Variants in BOD1L1 observed in about 807,000 individuals in gnomAD.
BOD1L1 encodes biorientation of chromosomes in cell division 1 like 1.
Under a neutral mutation model 240.7 loss-of-function variants are expected in BOD1L1, and 86 were observed. That is an observed-to-expected ratio of 0.36 (90% CI 0.30 to 0.43). The LOEUF is 0.43. Among genes scored for constraint, BOD1L1 ranks in the 20% least tolerant of loss-of-function variants. The probability of loss-of-function intolerance (pLI) is 1.00; values close to 1 mark genes in which losing one functional copy is unlikely to be tolerated. For missense variants in BOD1L1, 3,554 were observed against 3,643.5 expected, an observed-to-expected ratio of 0.98 and a Z score of 0.63; for synonymous variants, 1,268 against 1,272.3, an observed-to-expected ratio of 1.00 and a Z score of 0.07.
At position 13,602,708 on chromosome 4, in the gene BOD1L1, C is replaced by T; in HGVS notation, c.4192G>A (p.Glu1398Lys). 6.2e-7 allele frequency: 1 copy of T among 1,614,034 alleles called. No homozygotes were observed. Residue 1398 changes from glutamate to lysine, a missense_variant, in exon 10 of 26, where the codon GAG becomes AAG. By Grantham distance (56) the Glu-to-Lys change is moderately conservative. Transcript: ENST00000040738. ...SKLTGVIVENENITKEGGLVD... is the reference protein window; with the variant it reads ...SKLTGVIVENKNITKEGGLVD... ...AAGCCACCTTCTTTGGTAATATTCT[C>T]ATTTTCCACAATCACGCCCGTTAAC...
intron 15 of BOD1L1, among the ~76,000 whole-genome samples, chr4:13,588,321 A>G (rs1324286290): frequency 6.6e-6 from 1 of 152,208 alleles, no homozygotes; most frequent in Non-Finnish European, 1.5e-5. Context: ...CTAGCTACAT[A>G]CTATATTTCA....
chr4:13,572,864 C>T (rs1712330694), intron 25 of BOD1L1: 1 of 1,288,976 alleles, frequency 7.8e-7, no homozygotes, highest in Non-Finnish European at 1.0e-6. Flanking sequence ...TATAGAAACA[C>T]TGGGCAATGG....
chr4:13,616,770 T>C (rs1034041726), intron 2 of BOD1L1, among the ~76,000 whole-genome samples: 1 of 152,116 alleles, frequency 6.6e-6, no homozygotes, highest in African/African-American at 2.4e-5. Flanking sequence ...TAATTCTACT[T>C]ATGTGGGCCA....
At chr4:13,585,145 A>G (rs1446752429) in intron 17 of BOD1L1, among the ~76,000 whole-genome samples, 1 of 152,222 alleles carries the variant, frequency 6.6e-6, no homozygotes, top group Non-Finnish European at 1.5e-5. Context: ...GGTGAGGGAT[A>G]GTTTAAGAGC....
intron 17 of BOD1L1, among the ~76,000 whole-genome samples, chr4:13,585,152 G>C (rs1040665910): frequency 1.3e-5 from 2 of 152,162 alleles, no homozygotes; most frequent in African/African-American, 4.8e-5. Flanking sequence ...GATAGTTTAA[G>C]AGCCTGTTTC....
At chr4:13,579,850 G>T (rs1407134672) in intron 22 of BOD1L1, 78 bp downstream of exon 22, 67 of 1,214,952 alleles carry the variant, frequency 5.5e-5, no homozygotes, top group Non-Finnish European at 6.0e-5. Flanking sequence ...CAGAATGGAA[G>T]TTCCAAACCT....
chr4:13,623,858 GGTCA>G (rs1188059269), intron 1 of BOD1L1: 1 of 152,114 alleles, frequency 6.6e-6, no homozygotes, highest in Admixed American at 6.5e-5. Context: ...ACAGAAAGCA[GGTCA>G]GTCTTTGAGG....
chr4:13,606,148 T>A (rs80069631), intron 9 of BOD1L1, among the ~76,000 whole-genome samples: 1,639 of 152,222 alleles, frequency 0.011, 25 homozygotes, highest in African/African-American at 0.035. Flanking sequence ...AACAAGACCT[T>A]ATTAAATAGC....
chr4:13,615,192 A>C, intron 3 of BOD1L1, 120 bp downstream of exon 3: 1 of 1,026,284 alleles, frequency 9.7e-7, no homozygotes, highest in Non-Finnish European at 1.4e-6. Context: ...GTGATATTTA[A>C]AGTACAATTT....
Position 13,608,632 on chromosome 4 carries a change from T to G in BOD1L1, c.1640A>C (p.Lys547Thr). Residue 547 changes from lysine (K) to threonine (T), a missense_variant, in exon 8 of 26, where the codon AAG (lysine) becomes ACG (threonine). Lys to Thr is a moderately conservative substitution (Grantham distance 78). This residue lies in a region of BOD1L1 where 3,393 missense variants were observed against 3,427.1 expected (regional missense o/e 0.99). Transcript: ENST00000040738. ...SSVDLEESST[K>T]SLEPKAARIK... is the part of the protein sequence containing the mutation. Reference sequence around the variant, plus strand: ...TCTGGCGGCTTTAGGTTCCAAACTCTTTGTTGATGATTCTTCTAAGTCCAC... The same window carrying G: ...TCTGGCGGCTTTAGGTTCCAAACTCGTTGTTGATGATTCTTCTAAGTCCAC... The G allele has an allele frequency of 6.4e-7, 1 of 1,555,982 alleles. No individual in the cohort carries two copies. Among genetic ancestry groups the G allele is most frequent in the Non-Finnish European group, 8.7e-7 (1 of 1,153,438 alleles).
At chr4:13,608,010 T>A (rs549962421) in intron 8 of BOD1L1, among the ~76,000 whole-genome samples, 12 of 152,306 alleles carry the variant, frequency 7.9e-5, no homozygotes, top group Admixed American at 2.6e-4. Flanking sequence ...CATGACTTCA[T>A]AGCTACCCTC....
intron 22 of BOD1L1, 134 bp downstream of exon 22, chr4:13,579,794 A>T: frequency 1.5e-6 from 1 of 648,340 alleles, no homozygotes; most frequent in Non-Finnish European, 2.7e-6. Flanking sequence ...TCCCAGATAC[A>T]AGGACAATTA....
chr4:13,619,868 T>A (rs1329862209), intron 2 of BOD1L1, 75 bp downstream of exon 2: 4 of 1,511,532 alleles, frequency 2.6e-6, no homozygotes, highest in Non-Finnish European at 3.6e-6. Context: ...CAAATATGTA[T>A]GTAATGCCTC....
At chr4:13,586,217 C>T (rs1039605929) in intron 17 of BOD1L1, among the ~76,000 whole-genome samples, 179 bp downstream of exon 17, 1 of 152,056 alleles carries the variant, frequency 6.6e-6, no homozygotes, top group Non-Finnish European at 1.5e-5. Context: ...TAAAGTGCAA[C>T]ATTTGATTTT....
In BOD1L1 at chr4:13,599,330, G is replaced by T; in HGVS notation, c.7570C>A (p.Arg2524Ser). ...QTAKDPSVSIRYLAAVNTGAI... is the reference protein window; with the variant it reads ...QTAKDPSVSISYLAAVNTGAI... ...CCGGTGTTTACTGCTGCCAAATAGC[G>T]AATGCTGACAGAGGGATCCTTAGCC... The change falls in exon 10 of 26, where the codon CGC becomes AGC. Residue 2524 changes from arginine (R) to serine (S), a missense_variant. Physicochemically the swap from Arg to Ser is moderately radical, Grantham distance 110. Around this residue, in one of 2 missense-constraint regions of BOD1L1, gnomAD observed 3,393 missense variants for 3,427.1 expected, o/e 0.99. Transcript: ENST00000040738. The T allele has an allele frequency of 6.2e-7, 1 of 1,613,404 alleles. No homozygotes were observed. Among genetic ancestry groups the T allele is most frequent in the Non-Finnish European group, 8.5e-7 (1 of 1,179,842 alleles).
chr4:13,619,707 C>T (rs1007620794), intron 2 of BOD1L1, among the ~76,000 whole-genome samples: 3 of 152,108 alleles, frequency 2.0e-5, no homozygotes, highest in Non-Finnish European at 4.4e-5. Context: ...TTATTTCCTT[C>T]CTTCAAATAT....
rs201809593 is a variant in BOD1L1 at position 13,602,858 on chromosome 4, C to T, written c.4042G>A (p.Glu1348Lys). 256 of 1,613,906 alleles carry T rather than the reference C, an allele frequency of 1.6e-4. No homozygotes were observed. Among genetic ancestry groups the T allele is most frequent in the Non-Finnish European group, 2.1e-4 (248 of 1,179,890 alleles). Residue 1348 changes from glutamate (E) to lysine (K), a missense_variant, in exon 10 of 26, where the codon GAA becomes AAA. By Grantham distance (56) the Glu-to-Lys change is moderately conservative (BLOSUM62 1). Transcript: ENST00000040738. The stretch of plus-strand genomic sequence containing the variant: ...GCTGGTGTATCTACTGTGAAACCTT[C>T]ACCACCTTCTTTGCTGTCACTTGTC... ...LKTSDSKEGG[E>K]GFTVDTPAKA...
At position 13,577,392 on chromosome 4, in the gene BOD1L1, T is replaced by C. The variant is rs1712840979; in HGVS notation, c.8884+11A>G. The C allele has an allele frequency of 1.2e-6, 2 of 1,609,538 alleles. No homozygotes were observed. The highest frequency in any genetic ancestry group is 2.2e-5 in the South Asian group (2 of 89,566). On this transcript the variant is annotated intron_variant, in intron 24 of 25. Coordinates refer to ENST00000040738, the MANE Select transcript of BOD1L1 (RefSeq NM_148894.3). ...ACAATAAGACTTATTAAGAATTTGC[T>C]AGAAACATACCAGCATCATCTGATA...
intron 25 of BOD1L1, among the ~76,000 whole-genome samples, chr4:13,571,561 C>T (rs971223102): frequency 6.6e-5 from 10 of 152,220 alleles, no homozygotes; most frequent in Non-Finnish European, 1.5e-4. Flanking sequence ...TGGCAGCCAA[C>T]AGAAGCTCTG....
Sources: gnomAD v4.1 joint callset for allele counts (sites outside exome capture counted in the v4.1 genomes callset) on GRCh38, gnomAD v4.1.1 for gene constraint, gnomAD v4.1.1 regional missense constraint, MANE v1.5 for transcripts, NCBI Gene and HGNC (gene_info 2026-07-23, HGNC 2026-07-21) for gene names.